The following FANCB variants were observed in gnomAD, a reference collection of about 807,000 sequenced individuals.
FANCB encodes FA complementation group B.
In FANCB, 5 loss-of-function variants were observed where a neutral mutation model predicts 38.9. The observed-to-expected ratio is 0.13, with a 90% confidence interval of 0.07 to 0.27. The LOEUF is 0.27. FANCB is among the 10% of genes least tolerant of loss of function. FANCB has a pLI of 1.00. For synonymous variants in FANCB, 236 were observed against 215.4 expected (o/e 1.10, Z -0.84); for missense variants, 573 against 602.7 (o/e 0.95, Z 0.52).
the FANCB span, among the ~76,000 whole-genome samples, chrX:14,704,925 A>G: frequency 8.9e-6 from 1 of 112,168 alleles, no homozygotes; most frequent in Non-Finnish European, 1.9e-5. Flanking sequence ...TAAGAACCAT[A>G]AGAGAGTTAT....
intron 5 of FANCB, among the ~76,000 whole-genome samples, chrX:14,855,910 T>G (rs935959219): frequency 1.8e-5 from 2 of 111,970 alleles, no homozygotes; most frequent in African/African-American, 3.2e-5. Flanking sequence ...AAAGTTTGAT[T>G]TGATAATTTA....
the FANCB span, among the ~76,000 whole-genome samples, chrX:14,749,278 A>G: frequency 4.5e-5 from 5 of 111,762 alleles, no homozygotes; most frequent in African/African-American, 1.3e-4. Flanking sequence ...ATGGGTGGGC[A>G]GGAAATGTGG....
chrX:14,713,862 A>G, the FANCB span, among the ~76,000 whole-genome samples: 4 of 111,289 alleles, frequency 3.6e-5, no homozygotes, highest in African/African-American at 1.3e-4. Context: ...TGAGCTGAAG[A>G]TGACCTGATT....
At chrX:14,823,278 T>C in the FANCB span, among the ~76,000 whole-genome samples, 3 of 109,756 alleles carry the variant, frequency 2.7e-5, no homozygotes, top group Non-Finnish European at 5.7e-5. Context: ...GAGATGGGGC[T>C]TCACCATGCT....
chrX:14,709,236 T>TA, the FANCB span, among the ~76,000 whole-genome samples: 4 of 110,792 alleles, frequency 3.6e-5, no homozygotes, highest in African/African-American at 1.3e-4. Flanking sequence ...CCTGTCTCTT[T>TA]AAAAAGGAGT....
the FANCB span, among the ~76,000 whole-genome samples, chrX:14,724,154 G>A: frequency 9.0e-6 from 1 of 111,461 alleles, no homozygotes; most frequent in Non-Finnish European, 1.9e-5. Context: ...ATTCGTATAT[G>A]TATATGTGTG....
chrX:14,799,832 G>A, the FANCB span, among the ~76,000 whole-genome samples: 2 of 112,268 alleles, frequency 1.8e-5, no homozygotes. Flanking sequence ...AAGTGGCAGA[G>A]AATGTGGCTG....
the FANCB span, among the ~76,000 whole-genome samples, chrX:14,695,615 G>T: frequency 3.6e-5 from 4 of 112,027 alleles, no homozygotes; most frequent in African/African-American, 6.5e-5. Context: ...AAGAAGTGGT[G>T]TAGTGGGTCT....
chrX:14,805,847 T>C, the FANCB span, among the ~76,000 whole-genome samples: 41 of 111,925 alleles, frequency 3.7e-4, no homozygotes, highest in African/African-American at 1.2e-3. Context: ...TCCCATTCAC[T>C]GCAGCTCAAC....
chrX:14,723,820 G>GT, the FANCB span, among the ~76,000 whole-genome samples: 1 of 111,895 alleles, frequency 8.9e-6, no homozygotes, highest in Non-Finnish European at 1.9e-5. Flanking sequence ...GATTAGACCA[G>GT]GACCCCATTT....
chrX:14,695,402 T>C, the FANCB span, among the ~76,000 whole-genome samples: 1 of 112,176 alleles, frequency 8.9e-6, no homozygotes, highest in African/African-American at 3.2e-5. Context: ...GGTATTCACA[T>C]TGCAGTGAAA....
At chrX:14,709,341 T>C in the FANCB span, among the ~76,000 whole-genome samples, 2 of 112,078 alleles carry the variant, frequency 1.8e-5, no homozygotes, top group Admixed American at 1.9e-4. Context: ...GGTCAACAAT[T>C]AGATCAACAG....
chrX:14,865,308 T>C lies in FANCB; in HGVS notation c.203A>G (p.Lys68Arg), dbSNP rs2147447567. 1 of 1,167,937 alleles carries C rather than the reference T, an allele frequency of 8.6e-7. No homozygotes were observed. Among genetic ancestry groups the C allele is most frequent in the Admixed American group, 2.7e-5 (1 of 37,201 alleles). Residue 68 changes from lysine to arginine, a missense_variant, in exon 3 of 10, where the codon AAG becomes AGG. Coordinates refer to ENST00000650831, the MANE Select transcript of FANCB (RefSeq NM_001018113.3). ...VQKSTGFFTI[K>R]EENSHLKIMC... is the part of the protein sequence containing the mutation. ...GATTTTTAAATGAGAGTTTTCTTCCTTTATGGTAAAAAATCCAGTGGACTT... is the reference window on the plus strand; with the variant it reads ...GATTTTTAAATGAGAGTTTTCTTCCCTTATGGTAAAAAATCCAGTGGACTT...
At chrX:14,764,355 C>T in the FANCB span, among the ~76,000 whole-genome samples, 1 of 111,297 alleles carries the variant, frequency 9.0e-6, no homozygotes, top group Non-Finnish European at 1.9e-5. Context: ...TCTCGCAGGC[C>T]CTCTCACAGG....
the FANCB span, among the ~76,000 whole-genome samples, chrX:14,710,498 A>G: frequency 8.9e-6 from 1 of 112,161 alleles, no homozygotes; most frequent in Non-Finnish European, 1.9e-5. Context: ...TTCTTATTCT[A>G]TATTCTATAT....
chrX:14,764,757 A>T, the FANCB span, among the ~76,000 whole-genome samples: 1 of 112,000 alleles, frequency 8.9e-6, no homozygotes, highest in Non-Finnish European at 1.9e-5. Flanking sequence ...ACACTGTATC[A>T]TGTTTGGTTT....
chrX:14,711,751 C>T, the FANCB span, among the ~76,000 whole-genome samples: 1 of 112,648 alleles, frequency 8.9e-6, no homozygotes, highest in Non-Finnish European at 1.9e-5. Context: ...AAGTGACTTA[C>T]CCAGTTCCCA....
At chrX:14,813,491 C>A in the FANCB span, among the ~76,000 whole-genome samples, 1 of 111,483 alleles carries the variant, frequency 9.0e-6, no homozygotes, top group African/African-American at 3.3e-5. Context: ...AATCAATGTA[C>A]AAAAATCACA....
chrX:14,835,029 G>T, downstream of FANCB: 1 of 587,698 alleles, frequency 1.7e-6, no homozygotes. Flanking sequence ...CTGTAAGAGC[G>T]CTGGTGGTGT....
Sources: allele counts gnomAD v4.1 joint callset (sites outside exome capture counted in the v4.1 genomes callset), GRCh38; gene constraint gnomAD v4.1.1; transcripts MANE v1.5; gene names NCBI Gene and HGNC (gene_info 2026-07-23, HGNC 2026-07-21).